The following TP73 variants were observed in gnomAD, a reference collection of about 807,000 sequenced individuals.
TP73 encodes the protein tumor protein p73.
TP73 carries 25 observed loss-of-function variants against 62.5 expected under a neutral mutation model. That is an observed-to-expected ratio of 0.40 (90% CI 0.29 to 0.56). The LOEUF (loss-of-function observed/expected upper bound fraction) is 0.56, where lower values mean the gene tolerates loss of function less well. TP73 is among the 20% of genes least tolerant of loss of function. The pLI is 0.46. For synonymous variants in TP73, 423 were observed against 377.5 expected (o/e 1.12, Z -1.40); for missense variants, 754 against 913.3 (o/e 0.83, Z 2.25).
chr1:3,669,511 G>C (rs1209049998), intron 1 of TP73, among the ~76,000 whole-genome samples: 1 of 152,222 alleles, frequency 6.6e-6, no homozygotes, highest in East Asian at 1.9e-4. Flanking sequence ...CCAAGGAGGC[G>C]CAGAGTGACT....
rs538442189 is a variant in TP73, at chr1:3,664,616, C to T, written c.-34+11975C>T. Reference sequence around the variant, plus strand: ...TTCTCTTCCACAGCCTCCTGGCCTCCGGGTCCACCTGGGTGGTGCCCACCC... The same window carrying T: ...TTCTCTTCCACAGCCTCCTGGCCTCTGGGTCCACCTGGGTGGTGCCCACCC... On this transcript the variant is annotated intron_variant, in intron 1 of 13. Transcript: ENST00000378295. Among the ~76,000 whole-genome samples the T allele has an allele frequency of 2.0e-5, 3 of 152,322 alleles. No homozygotes were observed. The East Asian group carries it at 5.8e-4, about 29-fold the overall frequency.
In TP73 at chr1:3,735,574, G is replaced by A. The variant is rs913069569; in HGVS notation, c.*2495G>A. Reference sequence around the variant, plus strand: ...AAGTAGACAGAGTTGAGACTTCGCCGTGGTCAGGAGAAAATGCAAATTCCC... The same window carrying A: ...AAGTAGACAGAGTTGAGACTTCGCCATGGTCAGGAGAAAATGCAAATTCCC... On this transcript the variant is annotated 3_prime_UTR_variant, in exon 14 of 14. Transcript: ENST00000378295. 1 of 152,228 alleles carries A rather than the reference G, an allele frequency of 6.6e-6. No homozygotes were observed. Among genetic ancestry groups the A allele is most frequent in the Non-Finnish European group, 1.5e-5 (1 of 68,046 alleles). 9.4% of individuals were successfully genotyped at this position (152,228 alleles called of 1,614,324 possible).
chr1:3,721,892 G>C (rs1359211416), intron 4 of TP73, 129 bp from the exon 5 acceptor site: 1 of 951,940 alleles, frequency 1.1e-6, no homozygotes, highest in Non-Finnish European at 1.6e-6. Flanking sequence ...GGGGCTGCTT[G>C]GGGCAGTCTT....
intron 13 of TP73, among the ~76,000 whole-genome samples, chr1:3,731,862 A>G (rs374912626): frequency 6.6e-6 from 1 of 152,204 alleles, no homozygotes; most frequent in Non-Finnish European, 1.5e-5. Context: ...CACAAAGAAC[A>G]GAAGAATGTA....
intron 4 of TP73, chr1:3,708,319 G>A (rs115236310): frequency 0.019 from 3,112 of 167,458 alleles, 106 homozygotes; most frequent in African/African-American, 0.067. Context: ...TGGAACCACC[G>A]TGCCAAGGGC....
chr1:3,653,777 T>A lies in TP73; in HGVS notation c.-34+1136T>A, dbSNP rs551236931. Among the ~76,000 whole-genome samples the A allele has an allele frequency of 7.9e-5, 12 of 152,370 alleles. No homozygotes were observed. The East Asian group carries it at 1.9e-3, about 24-fold the overall frequency. ...GCTGAGCCACCCCTCTTTGGATTTA[T>A]TCGGGGAAAGATTAAAAAGCATTTC... is the stretch of plus-strand genomic sequence containing the variant. On this transcript the variant is annotated intron_variant, in intron 1 of 13. Transcript: ENST00000378295.
intron 4 of TP73, among the ~76,000 whole-genome samples, chr1:3,717,481 G>A (rs933719707): frequency 6.6e-6 from 1 of 152,248 alleles, no homozygotes; most frequent in Non-Finnish European, 1.5e-5. Flanking sequence ...AGATAAATAC[G>A]ATTTTATCAG....
chr1:3,694,726 C>T (rs1423817075), intron 3 of TP73, among the ~76,000 whole-genome samples: 1 of 66,966 alleles, frequency 1.5e-5, no homozygotes, highest in Non-Finnish European at 3.5e-5. Context: ...GCCATGCAGC[C>T]TCAGCCCCTC....
intron 1 of TP73, among the ~76,000 whole-genome samples, chr1:3,678,933 C>T (rs1232667748): frequency 2.6e-5 from 4 of 152,346 alleles, no homozygotes; most frequent in African/African-American, 7.2e-5. Flanking sequence ...CAACTCCTGG[C>T]GTGGAGGAAG....
rs1440283762 is a variant in TP73, at chr1:3,722,117, C to T, written c.526C>T (p.Arg176Trp). 4 of 1,612,852 alleles carry T rather than the reference C, an allele frequency of 2.5e-6. No homozygotes were observed. Among genetic ancestry groups the T allele is most frequent in the South Asian group, 1.1e-5 (1 of 91,084 alleles). ...STPPPPGTAI[R>W]AMPVYKKAEH... is the part of the protein sequence containing the mutation. Reference sequence around the variant, plus strand: ...CCCGCCACCCCCAGGCACCGCCATCCGGGCCATGCCTGTTTACAAGAAAGC... The same window carrying T: ...CCCGCCACCCCCAGGCACCGCCATCTGGGCCATGCCTGTTTACAAGAAAGC... Residue 176 changes from arginine (R) to tryptophan (W), a missense_variant, in exon 5 of 14, where the codon CGG becomes TGG. Arg to Trp is a moderately radical substitution (Grantham distance 101, BLOSUM62 -3). This residue lies in a region of TP73 where 235 missense variants were observed against 251.4 expected (regional missense o/e 0.93). Coordinates refer to ENST00000378295, the MANE Select transcript of TP73 (RefSeq NM_005427.4).
At chr1:3,669,902 A>C (rs1206575571) in intron 1 of TP73, among the ~76,000 whole-genome samples, 1 of 152,220 alleles carries the variant, frequency 6.6e-6, no homozygotes, top group Non-Finnish European at 1.5e-5. Context: ...ATGTGTGCGC[A>C]TATGTGAATA....
chr1:3,662,940 A>C lies in TP73; in HGVS notation c.-34+10299A>C, dbSNP rs1645029686. Among the ~76,000 whole-genome samples, 1 of 152,238 alleles carries C rather than the reference A, an allele frequency of 6.6e-6. No homozygotes were observed. The highest frequency in any genetic ancestry group is 2.4e-5 in the African/African-American group (1 of 41,470). ...AAACGAAATTCTCTTTTATAAGAGA[A>C]ACTTGTCTCTGGTCCCATGTGTTGC... On this transcript the variant is annotated intron_variant, in intron 1 of 13. Coordinates refer to ENST00000378295, the MANE Select transcript of TP73 (RefSeq NM_005427.4). The surrounding 1 kb of genome is among the most constrained non-coding windows in gnomAD (Gnocchi z 4.4).
At chr1:3,728,299 G>A in intron 9 of TP73, 82 bp downstream of exon 9, 1 of 1,428,848 alleles carries the variant, frequency 7.0e-7, no homozygotes, top group Non-Finnish European at 9.6e-7. Context: ...CCATGGGGAG[G>A]GACTCTGGAG....
chr1:3,692,451 CA>C (rs1430503493), intron 3 of TP73, among the ~76,000 whole-genome samples: 3 of 152,234 alleles, frequency 2.0e-5, no homozygotes, highest in Non-Finnish European at 4.4e-5. Flanking sequence ...GGAACGGCTA[CA>C]TCAGGCATGG....
intron 1 of TP73, among the ~76,000 whole-genome samples, chr1:3,671,889 G>T (rs1231507059): frequency 6.6e-6 from 1 of 151,194 alleles, no homozygotes; most frequent in African/African-American, 2.5e-5. Context: ...TCACGGGGCT[G>T]AGCGGCCACC....
intron 1 of TP73, among the ~76,000 whole-genome samples, chr1:3,674,903 C>T (rs942214944): frequency 1.3e-5 from 2 of 152,246 alleles, no homozygotes; most frequent in Admixed American, 1.3e-4. Flanking sequence ...ACCGCCCGAC[C>T]CCTCTGCCCA....
intron 1 of TP73, among the ~76,000 whole-genome samples, chr1:3,654,084 G>T (rs1307215432): frequency 6.6e-6 from 1 of 152,200 alleles, no homozygotes; most frequent in African/African-American, 2.4e-5. Context: ...TGAGGCACAA[G>T]AATTGCTTGA....
At chr1:3,674,879 A>C (rs1645329570) in intron 1 of TP73, among the ~76,000 whole-genome samples, 2 of 152,208 alleles carry the variant, frequency 1.3e-5, no homozygotes, top group Non-Finnish European at 2.9e-5. Flanking sequence ...GCCTGGCTTC[A>C]TTCTGGTGCG....
chr1:3,670,254 G>A lies in TP73; in HGVS notation c.-33-12079G>A, dbSNP rs732899. Among the ~76,000 whole-genome samples the A allele has an allele frequency of 0.036, 5,420 of 152,190 alleles. 219 individuals carry two copies. The highest frequency in any genetic ancestry group is 0.091 in the African/African-American group (3,773 of 41,496). On this transcript the variant is annotated intron_variant, in intron 1 of 13. Transcript: ENST00000378295. This position sits in a 1 kb window ranked among gnomAD's most constrained non-coding sequence, Gnocchi z 5.9. Reference sequence around the variant, plus strand: ...AAGGCAGGGATGATGATGGGGCCGGGGGACCACATGGGCACAGGCTTCTGG... The same window carrying A: ...AAGGCAGGGATGATGATGGGGCCGGAGGACCACATGGGCACAGGCTTCTGG...
Sources: allele counts gnomAD v4.1 joint callset (sites outside exome capture counted in the v4.1 genomes callset), GRCh38; gene constraint gnomAD v4.1.1; regional missense constraint gnomAD v4.1.1; non-coding constraint Gnocchi (gnomAD v3.1); transcripts MANE v1.5; gene names NCBI Gene and HGNC (gene_info 2026-07-23, HGNC 2026-07-21).